The following TRABD2B variants were observed in gnomAD, a reference collection of about 807,000 sequenced individuals.
TRABD2B encodes the protein TraB domain containing 2B.
TRABD2B carries 14 observed loss-of-function variants against 40.1 expected under a neutral mutation model. The ratio of observed to expected loss-of-function variants is 0.35; its 90% CI spans 0.23 to 0.55. The LOEUF (loss-of-function observed/expected upper bound fraction) is 0.55, where lower values mean the gene tolerates loss of function less well. TRABD2B is among the 20% of genes least tolerant of loss of function. The pLI is 0.90. For missense variants in TRABD2B, 541 were observed against 648.6 expected (o/e 0.83, Z 1.80); for synonymous variants, 263 against 277.0 (o/e 0.95, Z 0.50).
At chr1:47,769,548 C>G (rs905756780) in intron 6 of TRABD2B, among the ~76,000 whole-genome samples, 4 of 152,208 alleles carry the variant, frequency 2.6e-5, no homozygotes, top group African/African-American at 7.2e-5. Flanking sequence ...CCAAATGCCC[C>G]CAGCCCACCT....
At chr1:47,956,028 ATGC>A (rs1645416538) in intron 2 of TRABD2B, among the ~76,000 whole-genome samples, 1 of 152,176 alleles carries the variant, frequency 6.6e-6, no homozygotes, top group Admixed American at 6.5e-5. Context: ...AGTTTCCTGG[ATGC>A]TATTTGCTAA....
chr1:47,793,300 T>C (rs1472874305), intron 4 of TRABD2B, among the ~76,000 whole-genome samples: 3 of 152,224 alleles, frequency 2.0e-5, no homozygotes, highest in Non-Finnish European at 4.4e-5. Context: ...CAGAACTCTT[T>C]CTGCCCAACT....
chr1:47,814,918 A>G (rs1645010188), intron 2 of TRABD2B, among the ~76,000 whole-genome samples: 1 of 152,094 alleles, frequency 6.6e-6, no homozygotes, highest in African/African-American at 2.4e-5. Flanking sequence ...AACACTGGAG[A>G]CTCTGGCACT....
intron 4 of TRABD2B, among the ~76,000 whole-genome samples, chr1:47,779,411 A>G (rs1247991220): frequency 6.6e-6 from 1 of 152,202 alleles, no homozygotes; most frequent in Non-Finnish European, 1.5e-5. Context: ...GCAAACATTC[A>G]TGACAACCTT....
At chr1:47,903,264 A>C (rs1644627131) in intron 2 of TRABD2B, among the ~76,000 whole-genome samples, 1 of 152,008 alleles carries the variant, frequency 6.6e-6, no homozygotes. Flanking sequence ...CTCCACCTGC[A>C]ACTTCTGCAC....
Position 47,780,614 on chromosome 1 carries a change from A to T in TRABD2B, c.989-2070T>A, listed in dbSNP as rs529485836. Among the ~76,000 whole-genome samples the T allele has an allele frequency of 1.1e-3, 165 of 152,306 alleles. 2 individuals are homozygous for T. The highest frequency in any genetic ancestry group is 3.8e-3 in the African/African-American group (159 of 41,574). On this transcript the variant is annotated intron_variant, in intron 4 of 6. Coordinates refer to ENST00000606738, the MANE Select transcript of TRABD2B (RefSeq NM_001194986.2). ...AGGCCTCTAAGCCAGCCTGGGGTCA[A>T]GCAGACTTCCTGGAGGGGGCACTGC...
At position 47,761,934 on chromosome 1, in the gene TRABD2B, A is replaced by C. The variant is rs1644248200; in HGVS notation, c.*3968T>G. On this transcript the variant is annotated 3_prime_UTR_variant, in exon 7 of 7. Coordinates refer to ENST00000606738, the MANE Select transcript of TRABD2B (RefSeq NM_001194986.2). ...ATCTGTTGAGCACCACCTTTGTGTC[A>C]GATGAGGGTACAAAAACAAATTTAC... The C allele has an allele frequency of 6.6e-6, 1 of 152,172 alleles. No homozygotes were observed. The highest frequency in any genetic ancestry group is 2.4e-5 in the African/African-American group (1 of 41,428). 9.4% of individuals were successfully genotyped at this position (152,172 alleles called of 1,614,324 possible).
chr1:47,990,805 A>AAAACG (rs1557699685), intron 2 of TRABD2B, among the ~76,000 whole-genome samples: 1 of 74,676 alleles, frequency 1.3e-5, no homozygotes, highest in Non-Finnish European at 2.7e-5. Flanking sequence ...ATATATATAT[A>AAAACG]TATATATATA....
In TRABD2B at chr1:47,813,564, A is replaced by ACTCTT. The variant is rs1007203525; in HGVS notation, c.667-11950_667-11946dup. ...TTCTTATTCTGGCTCTTTGGGGCAG[A>ACTCTT]CTCTTCTCTTCTCTTTGCTGCGTCT... On this transcript the variant is annotated intron_variant, in intron 2 of 6. Coordinates refer to ENST00000606738, the MANE Select transcript of TRABD2B (RefSeq NM_001194986.2). This position sits in a 1 kb window ranked among gnomAD's most constrained non-coding sequence, Gnocchi z 4.3. Among the ~76,000 whole-genome samples the ACTCTT allele has an allele frequency of 6.6e-6, 1 of 151,208 alleles. No individual in the cohort carries two copies. Among genetic ancestry groups the ACTCTT allele is most frequent in the Non-Finnish European group, 1.5e-5 (1 of 67,814 alleles).
At chr1:47,789,420 C>T (rs775261227) in intron 4 of TRABD2B, among the ~76,000 whole-genome samples, 1 of 152,134 alleles carries the variant, frequency 6.6e-6, no homozygotes. Flanking sequence ...TCAATAAGGG[C>T]CTCTTCTCTG....
chr1:47,944,373 A>G (rs1645230427), intron 2 of TRABD2B, among the ~76,000 whole-genome samples: 1 of 152,240 alleles, frequency 6.6e-6, no homozygotes, highest in Admixed American at 6.5e-5. Flanking sequence ...GAATGAAGTA[A>G]AGACCAATGG....
chr1:47,860,276 A>T (rs1212656257), intron 2 of TRABD2B, among the ~76,000 whole-genome samples: 1 of 152,090 alleles, frequency 6.6e-6, no homozygotes. Context: ...AGTCTTTCCC[A>T]CCTAGTTGTT....
intron 2 of TRABD2B, among the ~76,000 whole-genome samples, chr1:47,939,579 C>A (rs190929021): frequency 6.6e-6 from 1 of 152,136 alleles, no homozygotes; most frequent in Non-Finnish European, 1.5e-5. Context: ...ATCCCCTGGA[C>A]AGAAAAATTA....
chr1:47,905,710 CTT>C (rs1277362259), intron 2 of TRABD2B, among the ~76,000 whole-genome samples: 3 of 152,184 alleles, frequency 2.0e-5, no homozygotes, highest in South Asian at 2.1e-4. Context: ...CTCTCTCTCT[CTT>C]TTCTTTCTCT....
At chr1:47,781,494 C>T (rs951837210) in intron 4 of TRABD2B, among the ~76,000 whole-genome samples, 19 of 152,212 alleles carry the variant, frequency 1.2e-4, no homozygotes, top group Admixed American at 3.3e-4. Flanking sequence ...GAGCACTGCG[C>T]GGCAATGGTC....
intron 2 of TRABD2B, among the ~76,000 whole-genome samples, chr1:47,859,866 C>T (rs899707160): frequency 2.0e-5 from 3 of 152,216 alleles, no homozygotes; most frequent in Admixed American, 6.5e-5. Context: ...CAACTCTTCA[C>T]GGTTAACCAA....
At chr1:47,796,013 C>T (rs773677752) in intron 3 of TRABD2B, among the ~76,000 whole-genome samples, 2 of 152,158 alleles carry the variant, frequency 1.3e-5, no homozygotes, top group Non-Finnish European at 2.9e-5. Context: ...TGGCCCCCAA[C>T]AGCCGGCACA....
At chr1:47,918,113 C>T (rs2124726089) in intron 2 of TRABD2B, among the ~76,000 whole-genome samples, 1 of 152,336 alleles carries the variant, frequency 6.6e-6, no homozygotes, top group East Asian at 1.9e-4. Context: ...AGAACATCAC[C>T]TTCACTCTAC....
At chr1:47,898,246 C>G (rs1644551912) in intron 2 of TRABD2B, among the ~76,000 whole-genome samples, 1 of 152,206 alleles carries the variant, frequency 6.6e-6, no homozygotes, top group Admixed American at 6.5e-5. Flanking sequence ...GAAAAACAGT[C>G]ACAACCTCCC....
Sources: allele counts gnomAD v4.1 joint callset (sites outside exome capture counted in the v4.1 genomes callset), GRCh38; gene constraint gnomAD v4.1.1; non-coding constraint Gnocchi (gnomAD v3.1); transcripts MANE v1.5; gene names NCBI Gene and HGNC (gene_info 2026-07-23, HGNC 2026-07-21).